The following TTPA variants were observed in gnomAD, a reference collection of about 807,000 sequenced individuals.
TTPA encodes the protein alpha tocopherol transfer protein.
In TTPA, 23 loss-of-function variants were observed where a neutral mutation model predicts 25.9. The ratio of observed to expected loss-of-function variants is 0.89; its 90% CI spans 0.64 to 1.26. The LOEUF (loss-of-function observed/expected upper bound fraction) is 1.26, where lower values mean the gene tolerates loss of function less well. Ranked by LOEUF, TTPA falls within the 50% of genes most tolerant of loss-of-function variation. The probability of loss-of-function intolerance (pLI) is 0.00; values close to 1 mark genes in which losing one functional copy is unlikely to be tolerated. For missense variants in TTPA, 337 were observed against 353.1 expected, an observed-to-expected ratio of 0.95 and a Z score of 0.37; for synonymous variants, 148 against 137.3, an observed-to-expected ratio of 1.08 and a Z score of -0.54.
chr8:63,064,129 G>T, intron 4 of TTPA, 77 bp downstream of exon 4: 1 of 1,064,160 alleles, frequency 9.4e-7, no homozygotes, highest in Non-Finnish European at 1.4e-6. Flanking sequence ...GAGGAAAGAT[G>T]ATAAAGCAAT....
At chr8:63,074,687 AC>A (rs1328691667) in intron 1 of TTPA, among the ~76,000 whole-genome samples, 3 of 152,188 alleles carry the variant, frequency 2.0e-5, no homozygotes, top group African/African-American at 7.2e-5. Flanking sequence ...AATGCTTTTT[AC>A]TTTTCTGATA....
intron 1 of TTPA, among the ~76,000 whole-genome samples, chr8:63,079,288 A>T (rs2129778580): frequency 6.6e-6 from 1 of 152,312 alleles, no homozygotes. Flanking sequence ...TGGGCAAAAT[A>T]ACCAGCTAAC....
chr8:63,069,708 C>G lies in TTPA; in HGVS notation c.358+3227G>C, dbSNP rs564153231. On this transcript the variant is annotated intron_variant, in intron 2 of 4. Transcript: ENST00000260116. Reference sequence around the variant, plus strand: ...TATGATTGTGCCACTGCACTCTAGCCCAGATGGCAGAGTAAGACCCTAGCT... The same window carrying G: ...TATGATTGTGCCACTGCACTCTAGCGCAGATGGCAGAGTAAGACCCTAGCT... 2.0e-5 allele frequency among the ~76,000 whole-genome samples: 3 copies of G among 150,864 alleles called. No homozygotes were observed. The South Asian group carries it at 6.3e-4, about 32-fold the overall frequency.
Position 63,085,803 on chromosome 8 carries a change from G to T in TTPA, c.204+15C>A. On this transcript the variant is annotated intron_variant, in intron 1 of 4. Coordinates refer to ENST00000260116, the MANE Select transcript of TTPA (RefSeq NM_000370.3). ...GAGGTGCGCACTGCCGAGCGCCCTGGGCACGCACGCTTACCCGCCAGGCCA... is the reference window on the plus strand; with the variant it reads ...GAGGTGCGCACTGCCGAGCGCCCTGTGCACGCACGCTTACCCGCCAGGCCA... The T allele has an allele frequency of 6.5e-7, 1 of 1,533,538 alleles. No homozygotes were observed. The highest frequency in any genetic ancestry group is 8.7e-7 in the Non-Finnish European group (1 of 1,144,730). 95.0% of individuals were successfully genotyped at this position (1,533,538 alleles called of 1,614,324 possible).
intron 2 of TTPA, among the ~76,000 whole-genome samples, chr8:63,071,608 C>T (rs1054054470): frequency 6.6e-6 from 1 of 152,146 alleles, no homozygotes; most frequent in African/African-American, 2.4e-5. Flanking sequence ...ATCCCCTCAA[C>T]AGTCATATGC....
intron 1 of TTPA, among the ~76,000 whole-genome samples, chr8:63,075,088 C>T (rs1258484138): frequency 6.6e-6 from 1 of 152,156 alleles, no homozygotes; most frequent in Admixed American, 6.5e-5. Context: ...CACAGTATAG[C>T]TGTCATAAAT....
intron 1 of TTPA, among the ~76,000 whole-genome samples, chr8:63,077,812 C>T (rs1157516975): frequency 6.6e-6 from 1 of 152,220 alleles, no homozygotes; most frequent in Non-Finnish European, 1.5e-5. Flanking sequence ...CACAGTGGTT[C>T]TCCCAGCATG....
rs1421652938 is a variant in TTPA, at chr8:63,059,520, C to A, written c.*1732G>T. On this transcript the variant is annotated 3_prime_UTR_variant, in exon 5 of 5. Coordinates refer to ENST00000260116, the MANE Select transcript of TTPA (RefSeq NM_000370.3). ...TAAAGAAAAACACCCTTCACATATC[C>A]TTACATAAAGATACTATTAATGTAT... Among the ~76,000 whole-genome samples, 1 of 152,076 alleles carries A rather than the reference C, an allele frequency of 6.6e-6. No homozygotes were observed. Among genetic ancestry groups the A allele is most frequent in the Non-Finnish European group, 1.5e-5 (1 of 68,016 alleles).
intron 2 of TTPA, among the ~76,000 whole-genome samples, chr8:63,071,028 G>T (rs908968168): frequency 1.3e-5 from 2 of 151,920 alleles, no homozygotes; most frequent in African/African-American, 4.8e-5. Flanking sequence ...ATAACATATA[G>T]GTTTATTTCC....
At chr8:63,079,308 A>G (rs1277869362) in intron 1 of TTPA, among the ~76,000 whole-genome samples, 2 of 152,212 alleles carry the variant, frequency 1.3e-5, no homozygotes, top group African/African-American at 4.8e-5. Flanking sequence ...CATCATAATG[A>G]CTGGATCAAA....
downstream of TTPA, among the ~76,000 whole-genome samples, chr8:63,058,685 T>A (rs747560525): frequency 2.4e-4 from 36 of 150,776 alleles, no homozygotes; most frequent in Non-Finnish European, 4.9e-4. Context: ...AACTGACTTA[T>A]CTTAATTCTA....
chr8:63,079,745 A>G (rs1184293292), intron 1 of TTPA, among the ~76,000 whole-genome samples: 2 of 152,164 alleles, frequency 1.3e-5, no homozygotes, highest in African/African-American at 2.4e-5. Context: ...CCCACTGTCA[A>G]TATTAGACAG....
rs143165502 is a variant in TTPA, at chr8:63,073,300, T to C, written c.205-212A>G. On this transcript the variant is annotated intron_variant, in intron 1 of 4. Transcript: ENST00000260116. ...ATCACAAATTCAGAGCTGAGCAACT[T>C]TCATTCACCACCCATGGTAGATATC... 2.0e-4 allele frequency among the ~76,000 whole-genome samples: 31 copies of C among 152,236 alleles called. No homozygotes were observed. The East Asian group carries it at 6.0e-3, about 29-fold the overall frequency.
chr8:63,079,309 C>T (rs1316292173), intron 1 of TTPA, among the ~76,000 whole-genome samples: 1 of 152,172 alleles, frequency 6.6e-6, no homozygotes, highest in Non-Finnish European at 1.5e-5. Context: ...ATCATAATGA[C>T]TGGATCAAAT....
At chr8:63,081,162 A>T (rs1483975246) in intron 1 of TTPA, among the ~76,000 whole-genome samples, 1 of 152,226 alleles carries the variant, frequency 6.6e-6, no homozygotes, top group Non-Finnish European at 1.5e-5. Flanking sequence ...TCATCCTGAT[A>T]TCAAAGCCTG....
chr8:63,065,793 T>C, intron 3 of TTPA, 111 bp downstream of exon 3: 1 of 1,203,826 alleles, frequency 8.3e-7, no homozygotes, highest in Non-Finnish European at 1.2e-6. Flanking sequence ...TTTCCAAAAT[T>C]GTATTTAAAT....
At chr8:63,068,607 T>C (rs1805434787) in intron 2 of TTPA, among the ~76,000 whole-genome samples, 1 of 151,514 alleles carries the variant, frequency 6.6e-6, no homozygotes, top group Non-Finnish European at 1.5e-5. Context: ...AGAGGGGAGA[T>C]AGATGTAATG....
At chr8:63,078,122 A>T (rs186462748) in intron 1 of TTPA, among the ~76,000 whole-genome samples, 1 of 152,332 alleles carries the variant, frequency 6.6e-6, no homozygotes, top group East Asian at 1.9e-4. Flanking sequence ...ACTAACAAAC[A>T]GACAGGAATA....
chr8:63,078,163 C>T (rs1805602300), intron 1 of TTPA, among the ~76,000 whole-genome samples: 1 of 152,266 alleles, frequency 6.6e-6, no homozygotes, highest in Non-Finnish European at 1.5e-5. Flanking sequence ...AACATCCACA[C>T]CAAAACCCCA....
Sources: gnomAD v4.1 joint callset for allele counts (sites outside exome capture counted in the v4.1 genomes callset) on GRCh38, gnomAD v4.1.1 for gene constraint, MANE v1.5 for transcripts, NCBI Gene and HGNC (gene_info 2026-07-23, HGNC 2026-07-21) for gene names.